Variants in DMD observed in about 807,000 individuals in gnomAD.
The protein encoded by DMD is dystrophin, also known as mutant dystrophin.
In DMD, 63 loss-of-function variants were observed where a neutral mutation model predicts 330.1. That is an observed-to-expected ratio of 0.19 (90% CI 0.16 to 0.24). The LOEUF (loss-of-function observed/expected upper bound fraction) is 0.24, where lower values mean the gene tolerates loss of function less well. Ranked by LOEUF, DMD falls within the 10% of genes least tolerant of loss-of-function variation. DMD has a pLI of 1.00. For synonymous variants in DMD, 1,223 were observed against 959.8 expected (o/e 1.27, Z -5.07); for missense variants, 3,344 against 2,684.1 (o/e 1.25, Z -5.43).
At chrX:31,662,257 G>A (rs1412144085) in intron 53 of DMD, among the ~76,000 whole-genome samples, 2 of 111,625 alleles carry the variant, frequency 1.8e-5, no homozygotes, top group Admixed American at 9.5e-5. Flanking sequence ...GGTGCCTGGC[G>A]TGCCCGAAGG....
chrX:33,329,128 T>C (rs1279684743), intron 1 of DMD, among the ~76,000 whole-genome samples: 1 of 111,804 alleles, frequency 8.9e-6, no homozygotes, highest in Non-Finnish European at 1.9e-5. Flanking sequence ...TGGGAGGAAA[T>C]GTTATCCTTA....
At chrX:33,295,911 C>G (rs142777544) in intron 1 of DMD, among the ~76,000 whole-genome samples, 1 of 111,338 alleles carries the variant, frequency 9.0e-6, no homozygotes, top group African/African-American at 3.3e-5. Context: ...TTCTATCAAC[C>G]GTATGACAAG....
At chrX:32,838,272 ATTCT>A (rs1354270352) in intron 4 of DMD, among the ~76,000 whole-genome samples, 1 of 110,717 alleles carries the variant, frequency 9.0e-6, no homozygotes, top group African/African-American at 3.3e-5. Context: ...ATTTTTTATT[ATTCT>A]TTAAGTTCTG....
chrX:32,438,603 G>T (rs780924516), intron 28 of DMD, among the ~76,000 whole-genome samples: 1 of 111,432 alleles, frequency 9.0e-6, no homozygotes, highest in Non-Finnish European at 1.9e-5. Context: ...TGACAGTGTT[G>T]CGGACTGAGA....
intron 41 of DMD, among the ~76,000 whole-genome samples, chrX:32,328,166 C>CAT (rs749689217): frequency 2.7e-5 from 3 of 111,199 alleles, no homozygotes; most frequent in Non-Finnish European, 3.8e-5. Flanking sequence ...GATCTTGATG[C>CAT]ATTGTTTACA....
intron 33 of DMD, among the ~76,000 whole-genome samples, chrX:32,382,511 C>T (rs1603632167): frequency 9.0e-6 from 1 of 111,130 alleles, no homozygotes; most frequent in East Asian, 2.8e-4. Flanking sequence ...AATTCCAATT[C>T]CAAATAATAA....
intron 16 of DMD, among the ~76,000 whole-genome samples, chrX:32,555,192 G>T (rs914762054): frequency 4.5e-5 from 5 of 110,987 alleles, no homozygotes; most frequent in Non-Finnish European, 9.4e-5. Context: ...CAGAACTAAA[G>T]ACAAAAACCA....
intron 41 of DMD, among the ~76,000 whole-genome samples, chrX:32,326,416 A>T (rs185183277): frequency 8.9e-6 from 1 of 112,661 alleles, no homozygotes; most frequent in African/African-American, 3.2e-5. Context: ...AATAGATGTA[A>T]ATAGCAAATA....
At chrX:31,411,478 A>G (rs72625583) in intron 60 of DMD, among the ~76,000 whole-genome samples, 5 of 112,261 alleles carry the variant, frequency 4.5e-5, no homozygotes, top group African/African-American at 1.6e-4. Flanking sequence ...GCAACAAAAG[A>G]GAACTTATTG....
chrX:32,731,423 G>T (rs867785954), intron 7 of DMD, among the ~76,000 whole-genome samples: 52 of 112,761 alleles, frequency 4.6e-4, no homozygotes, highest in Middle Eastern at 4.2e-3. Context: ...ACTCAAGGAG[G>T]CCTGCCTGCC....
intron 2 of DMD, among the ~76,000 whole-genome samples, chrX:32,987,600 T>G (rs2092878165): frequency 9.0e-6 from 1 of 111,327 alleles, no homozygotes; most frequent in African/African-American, 3.3e-5. Flanking sequence ...GTCATTAAAC[T>G]GCCACATTCT....
intron 45 of DMD, among the ~76,000 whole-genome samples, chrX:31,948,335 T>C (rs1241010428): frequency 8.9e-6 from 1 of 111,985 alleles, no homozygotes; most frequent in Non-Finnish European, 1.9e-5. Flanking sequence ...AAGATGAGAG[T>C]GCAGATATCT....
intron 9 of DMD, among the ~76,000 whole-genome samples, chrX:32,668,139 C>T (rs1159424949): frequency 1.8e-5 from 2 of 109,668 alleles, no homozygotes; most frequent in Non-Finnish European, 3.8e-5. Context: ...CAGAGGGAGA[C>T]TCCATCTCGG....
chrX:32,769,763 T>C (rs1157438045), intron 7 of DMD, among the ~76,000 whole-genome samples: 1 of 110,164 alleles, frequency 9.1e-6, no homozygotes, highest in Non-Finnish European at 1.9e-5. Flanking sequence ...AGCCAAGTGA[T>C]ATATTCTAGT....
At chrX:32,862,265 T>C (rs2082126371) in intron 2 of DMD, among the ~76,000 whole-genome samples, 1 of 112,320 alleles carries the variant, frequency 8.9e-6, no homozygotes, top group Non-Finnish European at 1.9e-5. Flanking sequence ...AAAATGTTAT[T>C]TGGCATTTTA....
chrX:32,491,500 C>T lies in DMD; in HGVS notation c.2399G>A (p.Ser800Asn), dbSNP rs991360358. ...CAGTTGTTCTGAGGCTTGTTTGATGCTATCTGCATTAACACCCTCTAGAAA... is the reference window on the plus strand; with the variant it reads ...CAGTTGTTCTGAGGCTTGTTTGATGTTATCTGCATTAACACCCTCTAGAAA... ...QMVNEGVNAD[S>N]IKQASEQLNS... Residue 800 changes from serine to asparagine, a missense_variant, in exon 20 of 79, where the codon AGC becomes AAC. Coordinates refer to ENST00000357033, the MANE Select transcript of DMD (RefSeq NM_004006.3). 19 of 1,208,161 alleles carry T rather than the reference C, an allele frequency of 1.6e-5. No homozygotes were observed. The highest frequency in any genetic ancestry group is 2.1e-5 in the Non-Finnish European group (19 of 894,121).
intron 43 of DMD, among the ~76,000 whole-genome samples, chrX:32,230,370 G>A (rs977248962): frequency 2.7e-5 from 3 of 111,198 alleles, no homozygotes; most frequent in East Asian, 5.7e-4. Context: ...TCAGCTTCCC[G>A]AGTAGCTGGG....
chrX:32,869,283 A>T (rs2082761991), intron 2 of DMD, among the ~76,000 whole-genome samples: 1 of 111,518 alleles, frequency 9.0e-6, no homozygotes, highest in Non-Finnish European at 1.9e-5. Flanking sequence ...AGACAAACTC[A>T]TGAAGATGAG....
At chrX:31,683,644 C>A (rs1214353344) in intron 52 of DMD, among the ~76,000 whole-genome samples, 1 of 111,376 alleles carries the variant, frequency 9.0e-6, no homozygotes, top group African/African-American at 3.3e-5. Context: ...GGAATGGACT[C>A]CTGGAAAATA....
Sources: allele counts gnomAD v4.1 joint callset (sites outside exome capture counted in the v4.1 genomes callset), GRCh38; gene constraint gnomAD v4.1.1; transcripts MANE v1.5; gene names NCBI Gene and HGNC (gene_info 2026-07-23, HGNC 2026-07-21).